MAPK8: variants seen among roughly 807,000 people sequenced by gnomAD.
MAPK8 encodes the protein JUN N-terminal kinase.
A neutral mutation model predicts 52.9 loss-of-function variants in MAPK8; 13 were observed. That is an observed-to-expected ratio of 0.25 (90% CI 0.16 to 0.39). MAPK8 has a LOEUF of 0.39. MAPK8 is among the 10% of genes least tolerant of loss of function. The pLI, the probability that MAPK8 is intolerant of heterozygous loss-of-function variation, is 1.00. For synonymous variants in MAPK8, 191 were observed against 169.8 expected (o/e 1.12, Z -0.97); for missense variants, 300 against 519.2 (o/e 0.58, Z 4.10).
At chr10:48,396,103 G>A (rs2132906244) in intron 1 of MAPK8, among the ~76,000 whole-genome samples, 1 of 151,988 alleles carries the variant, frequency 6.6e-6, no homozygotes, top group South Asian at 2.1e-4. Context: ...AATGACTTGG[G>A]CTTCATCAAA....
chr10:48,319,225 A>G, intron 1 of MAPK8, among the ~76,000 whole-genome samples: 1 of 152,328 alleles, frequency 6.6e-6, no homozygotes, highest in East Asian at 1.9e-4. Flanking sequence ...GGGACTAAGA[A>G]TTTTTTAACG....
At chr10:48,361,642 CTT>C (rs760008238) in intron 1 of MAPK8, among the ~76,000 whole-genome samples, 3 of 152,174 alleles carry the variant, frequency 2.0e-5, no homozygotes, top group East Asian at 3.8e-4. Flanking sequence ...ATTGCTCTCT[CTT>C]GTACTATTAT....
At chr10:48,373,735 A>G (rs2040474674) in intron 1 of MAPK8, among the ~76,000 whole-genome samples, 2 of 152,160 alleles carry the variant, frequency 1.3e-5, no homozygotes, top group Non-Finnish European at 2.9e-5. Context: ...CTAATACAGT[A>G]GCACCCAGAT....
intron 1 of MAPK8, among the ~76,000 whole-genome samples, chr10:48,351,495 T>A (rs1269859822): frequency 5.9e-5 from 9 of 151,656 alleles, no homozygotes; most frequent in Non-Finnish European, 1.3e-4. Flanking sequence ...TACCCATGAG[T>A]CATGGCACCT....
Position 48,435,514 on chromosome 10 carries a change from G to A in MAPK8, c.*485G>A, listed in dbSNP as rs1292773202. 6.6e-6 allele frequency: 1 copy of A among 152,288 alleles called. No individual in the cohort carries two copies. The highest frequency in any genetic ancestry group is 2.4e-5 in the African/African-American group (1 of 41,418). The allele number at this position is 152,288 out of a possible 1,614,324, so 9.4% of individuals were successfully genotyped here. On this transcript the variant is annotated 3_prime_UTR_variant, in exon 12 of 12. Transcript: ENST00000374189. ...ATCAATGAAATAACCCCAGAGGAGT[G>A]AGGGAAAATAACTTGTAGCCAGTTA...
At chr10:48,353,509 T>C (rs1270409536) in intron 1 of MAPK8, among the ~76,000 whole-genome samples, 3 of 152,218 alleles carry the variant, frequency 2.0e-5, no homozygotes, top group Non-Finnish European at 4.4e-5. Flanking sequence ...CAAATGGTAC[T>C]GGCACAGTTG....
intron 1 of MAPK8, among the ~76,000 whole-genome samples, chr10:48,332,949 C>G (rs1406424431): frequency 6.6e-6 from 1 of 152,154 alleles, no homozygotes; most frequent in Non-Finnish European, 1.5e-5. Context: ...TTGGGCTAAC[C>G]AGCAATTAGG....
chr10:48,363,328 C>G (rs950156100), intron 1 of MAPK8, among the ~76,000 whole-genome samples: 3 of 152,206 alleles, frequency 2.0e-5, no homozygotes, highest in Non-Finnish European at 4.4e-5. Context: ...ATTCATTTAT[C>G]TATTCCTATT....
At chr10:48,380,347 CAAAG>C (rs1048370253) in intron 1 of MAPK8, among the ~76,000 whole-genome samples, 11 of 152,214 alleles carry the variant, frequency 7.2e-5, no homozygotes, top group Admixed American at 3.3e-4. Flanking sequence ...AACTGTAACT[CAAAG>C]AAAGCTGAAC....
At chr10:48,366,668 T>C (rs1848073475) in intron 1 of MAPK8, among the ~76,000 whole-genome samples, 1 of 152,198 alleles carries the variant, frequency 6.6e-6, no homozygotes, top group Non-Finnish European at 1.5e-5. Context: ...ATCCTAATAT[T>C]CTTTATTCTC....
At chr10:48,375,463 G>A (rs1589116867) in intron 1 of MAPK8, among the ~76,000 whole-genome samples, 1 of 149,426 alleles carries the variant, frequency 6.7e-6, no homozygotes, top group African/African-American at 2.5e-5. Flanking sequence ...TCTGTTTGCA[G>A]ATGACATGAT....
At chr10:48,358,034 A>C (rs548515033) in intron 1 of MAPK8, among the ~76,000 whole-genome samples, 1 of 152,174 alleles carries the variant, frequency 6.6e-6, no homozygotes, top group Non-Finnish European at 1.5e-5. Context: ...CTTTGTTTCT[A>C]TCTACCACAT....
intron 1 of MAPK8, among the ~76,000 whole-genome samples, chr10:48,337,187 G>A (rs1259936184): frequency 2.0e-5 from 3 of 152,086 alleles, no homozygotes; most frequent in African/African-American, 7.2e-5. Flanking sequence ...ATCTTTGCAT[G>A]CTCTAAAAAT....
intron 1 of MAPK8, among the ~76,000 whole-genome samples, chr10:48,361,365 A>G (rs1221037826): frequency 6.6e-6 from 1 of 152,080 alleles, no homozygotes; most frequent in African/African-American, 2.4e-5. Flanking sequence ...TAATTACCTT[A>G]TAATGATTTC....
intron 1 of MAPK8, among the ~76,000 whole-genome samples, chr10:48,326,354 AGCTC>A (rs1306256232): frequency 6.6e-6 from 1 of 152,174 alleles, no homozygotes; most frequent in Non-Finnish European, 1.5e-5. Flanking sequence ...CCCTTTAGTT[AGCTC>A]CTGTGCCTGT....
At chr10:48,355,758 A>C (rs973814439) in intron 1 of MAPK8, among the ~76,000 whole-genome samples, 3 of 152,206 alleles carry the variant, frequency 2.0e-5, no homozygotes, top group Non-Finnish European at 4.4e-5. Context: ...ACACTAAACT[A>C]TACATTGAAG....
At chr10:48,397,417 A>G (rs1049936880) in intron 1 of MAPK8, among the ~76,000 whole-genome samples, 9 of 151,976 alleles carry the variant, frequency 5.9e-5, no homozygotes, top group Admixed American at 5.2e-4. Flanking sequence ...TGGCCTTCCA[A>G]AGTGCCAGGA....
At chr10:48,372,128 A>G (rs980398397) in intron 1 of MAPK8, among the ~76,000 whole-genome samples, 1 of 152,032 alleles carries the variant, frequency 6.6e-6, no homozygotes, top group African/African-American at 2.4e-5. Context: ...TGGTTTATCG[A>G]CTCAACCTTC....
chr10:48,324,503 G>GTTTTTTTTTTTTTTGTTTTTTTTTTTTT (rs1843294130), intron 1 of MAPK8, among the ~76,000 whole-genome samples: 4 of 118,006 alleles, frequency 3.4e-5, no homozygotes, highest in Admixed American at 9.3e-5. Flanking sequence ...CTGTTTTCTA[G>GTTTTTTTTTTTTTTGTTTTTTTTTTTTT]TTTTTTTTTT....
Sources: allele counts gnomAD v4.1 joint callset (sites outside exome capture counted in the v4.1 genomes callset), GRCh38; gene constraint gnomAD v4.1.1; transcripts MANE v1.5; gene names NCBI Gene and HGNC (gene_info 2026-07-23, HGNC 2026-07-21).